Variants in ARID5B observed in about 807,000 individuals in gnomAD.
The protein encoded by ARID5B is AT-rich interactive domain-containing protein 5B.
Under a neutral mutation model 97.2 loss-of-function variants are expected in ARID5B, and 13 were observed. The observed-to-expected ratio is 0.13, with a 90% CI of 0.09 to 0.21. The LOEUF (loss-of-function observed/expected upper bound fraction) is 0.21. Ranked by LOEUF, ARID5B falls within the 10% of genes least tolerant of loss-of-function variation. ARID5B has a pLI of 1.00. For missense variants in ARID5B, 1,210 were observed against 1,465.3 expected, an observed-to-expected ratio of 0.83 and a Z score of 2.84; for synonymous variants, 556 against 570.3, an observed-to-expected ratio of 0.97 and a Z score of 0.36.
intron 3 of ARID5B, among the ~76,000 whole-genome samples, chr10:61,978,562 A>AAG: frequency 6.6e-6 from 1 of 152,132 alleles, no homozygotes; most frequent in South Asian, 2.1e-4. Flanking sequence ...GTTCTCCTTG[A>AAG]AGAGGTCCTT....
intron 2 of ARID5B, among the ~76,000 whole-genome samples, chr10:61,934,744 G>A: frequency 6.6e-6 from 1 of 152,136 alleles, no homozygotes; most frequent in East Asian, 1.9e-4. Flanking sequence ...GCTGGGTGCG[G>A]TGGCTCACAC....
chr10:61,908,208 A>C (rs1440521804), intron 2 of ARID5B, among the ~76,000 whole-genome samples: 1 of 152,232 alleles, frequency 6.6e-6, no homozygotes, highest in Non-Finnish European at 1.5e-5. Flanking sequence ...TTAATAAAAA[A>C]CTACTCGTGA....
chr10:62,066,431 A>G (rs1422402538), intron 7 of ARID5B, among the ~76,000 whole-genome samples: 6 of 152,234 alleles, frequency 3.9e-5, no homozygotes. Context: ...AAAATGGCCC[A>G]ATTCATCCAG....
intron 3 of ARID5B, among the ~76,000 whole-genome samples, chr10:61,990,923 C>A (rs1838914759): frequency 6.6e-6 from 1 of 151,950 alleles, no homozygotes; most frequent in Non-Finnish European, 1.5e-5. Flanking sequence ...TCCTTCCAAC[C>A]CTCCTAGACC....
intron 3 of ARID5B, among the ~76,000 whole-genome samples, chr10:61,989,721 T>C (rs1838896600): frequency 2.0e-5 from 3 of 152,246 alleles, no homozygotes; most frequent in Admixed American, 6.5e-5. Flanking sequence ...ATCAGCATCG[T>C]TAACCTTTAT....
intron 2 of ARID5B, among the ~76,000 whole-genome samples, chr10:61,934,808 T>C (rs867917263): frequency 6.6e-6 from 1 of 150,980 alleles, no homozygotes. Flanking sequence ...AGGTCAGGAG[T>C]TCGAGGCCAG....
At chr10:62,008,803 T>C (rs1168396116) in intron 4 of ARID5B, among the ~76,000 whole-genome samples, 1 of 152,238 alleles carries the variant, frequency 6.6e-6, no homozygotes, top group Non-Finnish European at 1.5e-5. Flanking sequence ...GATAGTGAAC[T>C]GCTCTGTGTT....
At chr10:62,085,650 A>C in intron 8 of ARID5B, 52 bp from the exon 9 acceptor site, 1 of 1,448,742 alleles carries the variant, frequency 6.9e-7, no homozygotes, top group South Asian at 1.2e-5. Flanking sequence ...CATAGCATTG[A>C]TGCTACTGGA....
intron 9 of ARID5B, among the ~76,000 whole-genome samples, chr10:62,087,676 C>G (rs565379227): frequency 6.6e-6 from 1 of 152,250 alleles, no homozygotes; most frequent in South Asian, 2.1e-4. Flanking sequence ...TAATTAAACA[C>G]TGGTTTAAAT....
At position 62,044,049 on chromosome 10, in the gene ARID5B, A is replaced by T. The variant is rs540109634; in HGVS notation, c.734-6839A>T. Among the ~76,000 whole-genome samples, 91 of 147,612 alleles carry T rather than the reference A, an allele frequency of 6.2e-4. No individual in the cohort carries two copies. The South Asian group carries it at 0.011, about 18-fold the overall frequency. ...AGCCAGCTTCTTTTTTTTTTTTTTT[A>T]AATGTTCTTTCTAACACCACAACTG... On this transcript the variant is annotated intron_variant, in intron 4 of 9. Coordinates refer to ENST00000279873, the MANE Select transcript of ARID5B (RefSeq NM_032199.3).
At chr10:62,040,512 T>A (rs1322626491) in intron 4 of ARID5B, among the ~76,000 whole-genome samples, 2 of 152,174 alleles carry the variant, frequency 1.3e-5, no homozygotes, top group Non-Finnish European at 2.9e-5. Context: ...CCTTAACACA[T>A]ATTTCCAAGA....
chr10:62,046,347 T>G (rs1048074642), intron 4 of ARID5B, among the ~76,000 whole-genome samples: 1 of 152,220 alleles, frequency 6.6e-6, no homozygotes, highest in Non-Finnish European at 1.5e-5. Context: ...CATAAAAGTT[T>G]CCCACACCTG....
intron 4 of ARID5B, among the ~76,000 whole-genome samples, chr10:62,030,976 C>CCACTTTGTGG (rs1475821018): frequency 1.3e-5 from 2 of 152,204 alleles, no homozygotes; most frequent in Admixed American, 6.5e-5. Flanking sequence ...TGGCTCACAC[C>CCACTTTGTGG]TGTAATCCCA....
At chr10:61,996,428 G>A (rs2132862320) in intron 3 of ARID5B, among the ~76,000 whole-genome samples, 2 of 152,212 alleles carry the variant, frequency 1.3e-5, no homozygotes, top group Middle Eastern at 6.8e-3. Context: ...CAAAGATTGG[G>A]TTATAAGTCC....
At chr10:61,982,437 G>C (rs1290721630) in intron 3 of ARID5B, among the ~76,000 whole-genome samples, 1 of 152,118 alleles carries the variant, frequency 6.6e-6, no homozygotes, top group Non-Finnish European at 1.5e-5. Flanking sequence ...AAGGGTTTGC[G>C]AGGAGGTCAA....
intron 8 of ARID5B, 97 bp from the exon 9 acceptor site, chr10:62,085,605 T>A: frequency 1.0e-6 from 1 of 959,452 alleles, no homozygotes; most frequent in Non-Finnish European, 1.6e-6. Context: ...AGTCATTTAA[T>A]AATTTGCTTA....
At chr10:61,932,522 C>T (rs1159714580) in intron 2 of ARID5B, among the ~76,000 whole-genome samples, 3 of 151,700 alleles carry the variant, frequency 2.0e-5, no homozygotes, top group Non-Finnish European at 4.4e-5. Flanking sequence ...GTGATCCTTC[C>T]ACCTCAGCCC....
rs2132987307 is a variant in ARID5B, at chr10:62,092,405, T to A, written c.2942T>A (p.Val981Glu). 3.1e-6 allele frequency: 5 copies of A among 1,614,170 alleles called. No individual in the cohort carries two copies. Among genetic ancestry groups the A allele is most frequent in the Non-Finnish European group, 4.2e-6 (5 of 1,180,032 alleles). The stretch of plus-strand genomic sequence containing the variant: ...TCAAGATCAGGAAAACCTCACCATG[T>A]GAGACTGGAGAATTTCAGGAAGATG... ...SLSRSGKPHH[V>E]RLENFRKMEG... is the part of the protein sequence containing the mutation. Residue 981 changes from valine (V) to glutamate (E), a missense_variant, in exon 10 of 10, where the codon GTG becomes GAG. Around this residue, in one of 8 missense-constraint regions of ARID5B, gnomAD observed 800 missense variants for 839.1 expected, o/e 0.95. Coordinates refer to ENST00000279873, the MANE Select transcript of ARID5B (RefSeq NM_032199.3).
intron 3 of ARID5B, among the ~76,000 whole-genome samples, chr10:61,953,333 T>C (rs1564611995): frequency 6.6e-6 from 1 of 152,206 alleles, no homozygotes; most frequent in Non-Finnish European, 1.5e-5. Flanking sequence ...TGATGAAACA[T>C]ATACTTTTCT....
Sources: allele counts gnomAD v4.1 joint callset (sites outside exome capture counted in the v4.1 genomes callset), GRCh38; gene constraint gnomAD v4.1.1; regional missense constraint gnomAD v4.1.1; transcripts MANE v1.5; gene names NCBI Gene and HGNC (gene_info 2026-07-23, HGNC 2026-07-21).